The following PTPRD variants were observed in gnomAD, a reference collection of about 807,000 sequenced individuals.
PTPRD encodes receptor-type tyrosine-protein phosphatase delta.
PTPRD carries 34 observed loss-of-function variants against 214.5 expected under a neutral mutation model. That is an observed-to-expected ratio of 0.16 (90% CI 0.12 to 0.21). PTPRD has a LOEUF of 0.21. Ranked by LOEUF, PTPRD falls within the 10% of genes least tolerant of loss-of-function variation. The pLI is 1.00. For synonymous variants in PTPRD, 1,128 were observed against 845.7 expected (o/e 1.33, Z -5.79); for missense variants, 2,545 against 2,398.7 (o/e 1.06, Z -1.27).
chr9:10,449,805 G>T (rs1282426605), intron 2 of PTPRD, among the ~76,000 whole-genome samples: 1 of 151,612 alleles, frequency 6.6e-6, no homozygotes, highest in African/African-American at 2.4e-5. Context: ...TAGAAAAGGG[G>T]GAAATGTGGG....
At chr9:9,062,485 C>T (rs1390012868) in intron 10 of PTPRD, among the ~76,000 whole-genome samples, 1 of 152,102 alleles carries the variant, frequency 6.6e-6, no homozygotes, top group African/African-American at 2.4e-5. Flanking sequence ...CCCCATGGAT[C>T]TCACCCACAC....
At chr9:10,500,867 G>A (rs1008097258) in intron 2 of PTPRD, among the ~76,000 whole-genome samples, 1 of 151,612 alleles carries the variant, frequency 6.6e-6, no homozygotes, top group Non-Finnish European at 1.5e-5. Flanking sequence ...ATGTTATTGC[G>A]ACCGACAGAA....
intron 2 of PTPRD, among the ~76,000 whole-genome samples, chr9:10,561,172 C>A (rs894436682): frequency 6.6e-6 from 1 of 152,082 alleles, no homozygotes; most frequent in East Asian, 1.9e-4. Context: ...TGGTTGAAAT[C>A]CATGTCTTCT....
chr9:8,650,309 C>G (rs990562361), intron 12 of PTPRD, among the ~76,000 whole-genome samples: 2 of 151,968 alleles, frequency 1.3e-5, no homozygotes, highest in Non-Finnish European at 2.9e-5. Context: ...GTGGGTGGAT[C>G]ACCTGAGGTT....
Position 10,387,642 on chromosome 9 carries a change from C to T in PTPRD, c.-599-46625G>A, listed in dbSNP as rs546211349. On this transcript the variant is annotated intron_variant, in intron 2 of 45. Coordinates refer to ENST00000381196, the MANE Select transcript of PTPRD (RefSeq NM_002839.4). ...AGTAAAGCCTATTACTTAAACCATA[C>T]TTTGTGTCATTGTACAATTCACTCT... Among the ~76,000 whole-genome samples, 9 of 151,814 alleles carry T rather than the reference C, an allele frequency of 5.9e-5. 1 individual carries two copies. The East Asian group carries it at 1.8e-3, about 30-fold the overall frequency.
intron 11 of PTPRD, among the ~76,000 whole-genome samples, chr9:9,013,487 T>G (rs1388165985): frequency 6.6e-6 from 1 of 152,162 alleles, no homozygotes; most frequent in Non-Finnish European, 1.5e-5. Context: ...AATAGTGTTT[T>G]TTTGTGTGTT....
intron 8 of PTPRD, among the ~76,000 whole-genome samples, chr9:9,490,955 T>C (rs1292206112): frequency 3.4e-5 from 4 of 116,200 alleles, no homozygotes; most frequent in Non-Finnish European, 6.8e-5. Context: ...AAATGAACTA[T>C]AATGAACTAA....
At chr9:8,449,595 A>G in intron 34 of PTPRD, 130 bp downstream of exon 34, 1 of 841,586 alleles carries the variant, frequency 1.2e-6, no homozygotes, top group Non-Finnish European at 1.8e-6. Context: ...AGTCTCCATA[A>G]TAGTAAAATA....
At chr9:8,335,339 T>C (rs915190335) in intron 43 of PTPRD, among the ~76,000 whole-genome samples, 1 of 152,016 alleles carries the variant, frequency 6.6e-6, no homozygotes, top group Non-Finnish European at 1.5e-5. Flanking sequence ...TTGTTCAACA[T>C]ACACAAATCA....
intron 2 of PTPRD, among the ~76,000 whole-genome samples, chr9:10,394,224 A>G (rs978906871): frequency 6.8e-6 from 1 of 146,658 alleles, no homozygotes; most frequent in Non-Finnish European, 1.5e-5. Flanking sequence ...ATATATTTCT[A>G]TTTCTATTAT....
chr9:8,853,212 T>C (rs1383947040), intron 11 of PTPRD, among the ~76,000 whole-genome samples: 2 of 152,166 alleles, frequency 1.3e-5, no homozygotes, highest in African/African-American at 4.8e-5. Flanking sequence ...CATTATTATT[T>C]AGGTTACATT....
intron 39 of PTPRD, among the ~76,000 whole-genome samples, chr9:8,359,277 A>G (rs532044146): frequency 1.1e-4 from 17 of 151,786 alleles, no homozygotes; most frequent in Non-Finnish European, 2.2e-4. Context: ...CCCCACCCCA[A>G]CCTAGAGAAT....
At chr9:8,588,240 C>A (rs1289089318) in intron 14 of PTPRD, among the ~76,000 whole-genome samples, 1 of 152,208 alleles carries the variant, frequency 6.6e-6, no homozygotes, top group Non-Finnish European at 1.5e-5. Context: ...CTTAATTAGG[C>A]ATGATCCAGT....
chr9:10,005,875 T>C (rs2096463224), intron 4 of PTPRD, among the ~76,000 whole-genome samples: 1 of 151,970 alleles, frequency 6.6e-6, no homozygotes, highest in African/African-American at 2.4e-5. Flanking sequence ...TACTAAAATA[T>C]ACAAAATTAT....
At chr9:9,326,826 T>A (rs1487207214) in intron 9 of PTPRD, among the ~76,000 whole-genome samples, 1 of 152,108 alleles carries the variant, frequency 6.6e-6, no homozygotes, top group Admixed American at 6.6e-5. Flanking sequence ...TTTCACCTTA[T>A]AAAAACTTTT....
intron 3 of PTPRD, among the ~76,000 whole-genome samples, chr9:10,196,856 C>T (rs1037995647): frequency 6.6e-6 from 1 of 152,068 alleles, no homozygotes; most frequent in African/African-American, 2.4e-5. Flanking sequence ...GGCACCTCCA[C>T]TATGAATAGG....
chr9:9,670,004 C>G (rs566583284), intron 7 of PTPRD, among the ~76,000 whole-genome samples: 3 of 152,172 alleles, frequency 2.0e-5, no homozygotes, highest in African/African-American at 4.8e-5. Flanking sequence ...AGCATTTTAT[C>G]AGATACAATG....
chr9:8,345,850 C>T (rs1186171720), intron 39 of PTPRD, among the ~76,000 whole-genome samples: 1 of 151,982 alleles, frequency 6.6e-6, no homozygotes, highest in Non-Finnish European at 1.5e-5. Context: ...TAATTCTCTA[C>T]CTGCCTCTCT....
chr9:8,558,124 G>C (rs1271908637), intron 14 of PTPRD, among the ~76,000 whole-genome samples: 1 of 152,190 alleles, frequency 6.6e-6, no homozygotes, highest in African/African-American at 2.4e-5. Flanking sequence ...GAGGTACAGA[G>C]AGACGGACAA....
Sources: gnomAD v4.1 joint callset for allele counts (sites outside exome capture counted in the v4.1 genomes callset) on GRCh38, gnomAD v4.1.1 for gene constraint, MANE v1.5 for transcripts, NCBI Gene and HGNC (gene_info 2026-07-23, HGNC 2026-07-21) for gene names.